The following LINGO2 variants were observed in gnomAD, a reference collection of about 807,000 sequenced individuals.
LINGO2 encodes the protein leucine rich repeat and Ig domain containing 2.
Under a neutral mutation model 30.6 loss-of-function variants are expected in LINGO2, and 14 were observed. The observed-to-expected ratio is 0.46, with a 90% CI of 0.30 to 0.72. The LOEUF is 0.72. Ranked by LOEUF, LINGO2 falls within the 30% of genes least tolerant of loss-of-function variation. The pLI is 0.07. For missense variants in LINGO2, 729 were observed against 751.7 expected (o/e 0.97, Z 0.35); for synonymous variants, 317 against 288.5 (o/e 1.10, Z -1.00).
At chr9:28,150,146 T>C (rs1312970653) in intron 4 of LINGO2, among the ~76,000 whole-genome samples, 1 of 146,884 alleles carries the variant, frequency 6.8e-6, no homozygotes, top group Non-Finnish European at 1.5e-5. Context: ...CACCTCTGCC[T>C]GGCCCCCTCA....
At chr9:29,026,166 G>A in the LINGO2 span, among the ~76,000 whole-genome samples, 697 of 152,024 alleles carry the variant, frequency 4.6e-3, 7 homozygotes, top group Non-Finnish European at 5.9e-3. Context: ...CTAAGTAACT[G>A]GGACTACAGG....
chr9:28,983,432 C>A, the LINGO2 span, among the ~76,000 whole-genome samples: 27 of 150,326 alleles, frequency 1.8e-4, no homozygotes, highest in Non-Finnish European at 3.4e-4. Context: ...AAAACTAATA[C>A]AAAGTGAGTA....
intron 5 of LINGO2, among the ~76,000 whole-genome samples, chr9:27,987,865 C>T (rs1821198623): frequency 6.6e-6 from 1 of 151,758 alleles, no homozygotes; most frequent in Non-Finnish European, 1.5e-5. Context: ...CCTGTTCTCC[C>T]TTTTATACGT....
the LINGO2 span, among the ~76,000 whole-genome samples, chr9:29,089,659 A>C: frequency 6.6e-6 from 1 of 152,094 alleles, no homozygotes; most frequent in Non-Finnish European, 1.5e-5. Flanking sequence ...AACACCTTCT[A>C]ACTGAAAAGG....
the LINGO2 span, among the ~76,000 whole-genome samples, chr9:29,093,669 AAAC>A: frequency 1.5e-5 from 2 of 136,816 alleles, 1 homozygote; most frequent in East Asian, 5.0e-4. Context: ...TTGATAATAG[AAAC>A]TGTAGTTGTT....
chr9:28,677,879 CA>C, the LINGO2 span, among the ~76,000 whole-genome samples: 2 of 151,860 alleles, frequency 1.3e-5, no homozygotes, highest in Non-Finnish European at 2.9e-5. Flanking sequence ...ACCGAGAAAC[CA>C]ATACCCTGGG....
At chr9:29,093,555 A>G in the LINGO2 span, among the ~76,000 whole-genome samples, 8 of 136,428 alleles carry the variant, frequency 5.9e-5, 1 homozygote, top group Admixed American at 5.3e-4. Context: ...TTTAAAATCA[A>G]TTAGCCTGTC....
chr9:28,815,589 G>T, the LINGO2 span, among the ~76,000 whole-genome samples: 2 of 151,982 alleles, frequency 1.3e-5, no homozygotes, highest in Non-Finnish European at 2.9e-5. Flanking sequence ...GTAGAAAATA[G>T]AAGTCATTCT....
the LINGO2 span, among the ~76,000 whole-genome samples, chr9:28,705,489 G>T: frequency 6.6e-6 from 1 of 151,922 alleles, no homozygotes; most frequent in African/African-American, 2.4e-5. Flanking sequence ...ATATCAGTTG[G>T]GACCTGATAA....
the LINGO2 span, among the ~76,000 whole-genome samples, chr9:29,203,343 T>G: frequency 6.6e-6 from 1 of 152,300 alleles, no homozygotes; most frequent in Middle Eastern, 3.4e-3. Context: ...ACACAACTAC[T>G]TGGAAGGAAT....
At chr9:29,110,760 G>A in the LINGO2 span, among the ~76,000 whole-genome samples, 9 of 151,400 alleles carry the variant, frequency 5.9e-5, no homozygotes, top group East Asian at 1.6e-3. Flanking sequence ...GTGCGATCTC[G>A]GCTCACTGCA....
At chr9:28,828,376 T>C in the LINGO2 span, among the ~76,000 whole-genome samples, 1 of 152,150 alleles carries the variant, frequency 6.6e-6, no homozygotes, top group Non-Finnish European at 1.5e-5. Flanking sequence ...TATTCATATA[T>C]GATCTAGCAA....
chr9:28,132,281 T>C (rs1827398701), intron 4 of LINGO2, among the ~76,000 whole-genome samples: 1 of 152,160 alleles, frequency 6.6e-6, no homozygotes, highest in Non-Finnish European at 1.5e-5. Context: ...AATTGTTTTG[T>C]GTAAGTATAT....
intron 4 of LINGO2, among the ~76,000 whole-genome samples, chr9:28,175,608 T>C (rs1828728828): frequency 6.6e-6 from 1 of 152,212 alleles, no homozygotes; most frequent in South Asian, 2.1e-4. Flanking sequence ...TTGGGAACTC[T>C]GTTCCAAAAT....
intron 5 of LINGO2, among the ~76,000 whole-genome samples, chr9:27,959,212 A>G (rs182751067): frequency 6.6e-6 from 1 of 151,710 alleles, no homozygotes; most frequent in Admixed American, 6.6e-5. Flanking sequence ...AAATTTTCAA[A>G]GGACCAACTT....
intron 4 of LINGO2, among the ~76,000 whole-genome samples, chr9:28,150,183 C>A (rs1355339406): frequency 6.6e-6 from 1 of 151,696 alleles, no homozygotes; most frequent in African/African-American, 2.4e-5. Context: ...AGCGCCTCTG[C>A]CCAGCCCCTG....
the LINGO2 span, among the ~76,000 whole-genome samples, chr9:28,974,203 G>A: frequency 1.3e-5 from 2 of 152,116 alleles, no homozygotes; most frequent in East Asian, 3.9e-4. Context: ...TCAGGAGATC[G>A]AGACCAGCCT....
At chr9:28,508,391 C>T (rs981599518) in intron 1 of LINGO2, among the ~76,000 whole-genome samples, 1 of 152,014 alleles carries the variant, frequency 6.6e-6, no homozygotes, top group African/African-American at 2.4e-5. Context: ...TAAGATGTCA[C>T]CTTTAGGCAT....
chr9:28,255,464 C>A (rs1050568974), intron 4 of LINGO2, among the ~76,000 whole-genome samples: 1 of 152,090 alleles, frequency 6.6e-6, no homozygotes, highest in African/African-American at 2.4e-5. Flanking sequence ...GGGCAAGTAA[C>A]TGAACCTCTC....
Sources: allele counts gnomAD v4.1 joint callset (sites outside exome capture counted in the v4.1 genomes callset), GRCh38; gene constraint gnomAD v4.1.1; transcripts MANE v1.5; gene names NCBI Gene and HGNC (gene_info 2026-07-23, HGNC 2026-07-21).